The following RAP1GAP2 variants were observed in gnomAD, a reference collection of about 807,000 sequenced individuals.
The protein encoded by RAP1GAP2 is RAP1 GTPase activating protein 2.
Under a neutral mutation model 95.0 loss-of-function variants are expected in RAP1GAP2, and 27 were observed. The observed-to-expected ratio is 0.28, with a 90% CI of 0.21 to 0.39. The LOEUF (loss-of-function observed/expected upper bound fraction) is 0.39. RAP1GAP2 is among the 10% of genes least tolerant of loss of function. RAP1GAP2 has a pLI of 1.00. For missense variants in RAP1GAP2, 771 were observed against 970.0 expected (o/e 0.79, Z 2.72); for synonymous variants, 373 against 380.9 (o/e 0.98, Z 0.24).
At chr17:2,905,430 C>CT in intron 3 of RAP1GAP2, 62 bp downstream of exon 3, 1 of 1,541,226 alleles carries the variant, frequency 6.5e-7, no homozygotes, top group East Asian at 2.3e-5. Context: ...TGAGGCCTTG[C>CT]TGTGGCTTTG....
intron 2 of RAP1GAP2, among the ~76,000 whole-genome samples, chr17:2,854,593 C>T (rs1334596364): frequency 6.6e-6 from 1 of 152,276 alleles, no homozygotes; most frequent in Non-Finnish European, 1.5e-5. Context: ...CCTCTCGCCC[C>T]ACCGCCATAG....
chr17:2,836,225 A>G (rs1029829665), intron 2 of RAP1GAP2, among the ~76,000 whole-genome samples: 1 of 151,852 alleles, frequency 6.6e-6, no homozygotes, highest in Non-Finnish European at 1.5e-5. Context: ...TACTATGTTC[A>G]CTAACTAGGT....
rs945983507 is a variant in RAP1GAP2, at chr17:2,834,528, A to G, written c.80+33978A>G. 7.6e-4 allele frequency among the ~76,000 whole-genome samples: 116 copies of G among 152,142 alleles called. 1 individual carries two copies. The highest frequency in any genetic ancestry group is 7.2e-4 in the Non-Finnish European group (49 of 68,012). ...GAAGGACCATCTTGGTCGAGGTGGT[A>G]TCTCACACCTGTAATCCCAGCACTT... On this transcript the variant is annotated intron_variant, in intron 2 of 24. Coordinates refer to ENST00000254695, the MANE Select transcript of RAP1GAP2 (RefSeq NM_015085.5).
At chr17:3,016,489 G>A (rs2046771458) in intron 17 of RAP1GAP2, among the ~76,000 whole-genome samples, 1 of 152,220 alleles carries the variant, frequency 6.6e-6, no homozygotes, top group Admixed American at 6.5e-5. Context: ...GCAGAAGCCT[G>A]GACAACTGAT....
intron 3 of RAP1GAP2, among the ~76,000 whole-genome samples, chr17:2,934,753 G>A (rs574678753): frequency 1.3e-5 from 2 of 152,264 alleles, no homozygotes; most frequent in Admixed American, 6.5e-5. Context: ...CTTTCTTAGC[G>A]GAGAACAAAA....
At chr17:2,835,719 AC>A (rs2071099853) in intron 2 of RAP1GAP2, among the ~76,000 whole-genome samples, 1 of 152,164 alleles carries the variant, frequency 6.6e-6, no homozygotes, top group African/African-American at 2.4e-5. Context: ...CCAGAGTGTG[AC>A]CCTGTCTATA....
chr17:2,840,815 T>A (rs2071343545), intron 2 of RAP1GAP2, among the ~76,000 whole-genome samples: 1 of 151,916 alleles, frequency 6.6e-6, no homozygotes, highest in Non-Finnish European at 1.5e-5. Context: ...CTGGCCAATA[T>A]GGTGACACCC....
intron 2 of RAP1GAP2, among the ~76,000 whole-genome samples, chr17:2,868,419 C>T (rs970809886): frequency 6.6e-6 from 1 of 152,136 alleles, no homozygotes; most frequent in Admixed American, 6.5e-5. Flanking sequence ...AAACTGCGGC[C>T]CTTGGCTTTC....
intron 3 of RAP1GAP2, among the ~76,000 whole-genome samples, chr17:2,918,915 A>C (rs920775980): frequency 1.3e-5 from 2 of 152,240 alleles, no homozygotes; most frequent in African/African-American, 4.8e-5. Flanking sequence ...TAAGTGCTAC[A>C]TAAATATTAG....
chr17:2,882,634 A>G (rs2073350470), intron 2 of RAP1GAP2, among the ~76,000 whole-genome samples: 1 of 152,186 alleles, frequency 6.6e-6, no homozygotes. Context: ...CACGTTGGCC[A>G]GGATGGTTGA....
chr17:2,931,928 C>G (rs1416733577), intron 3 of RAP1GAP2, among the ~76,000 whole-genome samples: 1 of 152,092 alleles, frequency 6.6e-6, no homozygotes, highest in African/African-American at 2.4e-5. Context: ...CACAAGCCCC[C>G]CAAAATTTCC....
chr17:2,853,899 G>C, intron 2 of RAP1GAP2: 1 of 978,324 alleles, frequency 1.0e-6, no homozygotes, highest in Non-Finnish European at 1.2e-6. Context: ...GGAGGCCGGG[G>C]GCCGGGGCGC....
rs115444435 is a variant in RAP1GAP2 at position 3,002,710 on chromosome 17, G to T, written c.1201-2659G>T. ...GACAGGGTTGGGTGTGTGCAGGAAG[G>T]GGTCCTCTTCTGTCCACGGAGGGGC... On this transcript the variant is annotated intron_variant, in intron 14 of 24. Transcript: ENST00000254695. 3.7e-3 allele frequency among the ~76,000 whole-genome samples: 565 copies of T among 152,318 alleles called. 7 individuals are homozygous for T. Among genetic ancestry groups the T allele is most frequent in the African/African-American group, 0.013 (533 of 41,576 alleles).
intron 2 of RAP1GAP2, among the ~76,000 whole-genome samples, chr17:2,832,146 A>T (rs1162968422): frequency 7.3e-6 from 1 of 136,942 alleles, no homozygotes; most frequent in African/African-American, 2.7e-5. Context: ...GGAGTTTGCA[A>T]TGAGCTGAGA....
At chr17:2,837,345 A>G (rs2071176239) in intron 2 of RAP1GAP2, among the ~76,000 whole-genome samples, 1 of 151,970 alleles carries the variant, frequency 6.6e-6, no homozygotes, top group African/African-American at 2.4e-5. Flanking sequence ...TAGGTTGAGA[A>G]AGGGGCAGCC....
In RAP1GAP2 at chr17:2,820,223, T is replaced by G. The variant is rs573369484; in HGVS notation, c.80+19673T>G. Among the ~76,000 whole-genome samples, 9 of 152,298 alleles carry G rather than the reference T, an allele frequency of 5.9e-5. No individual in the cohort carries two copies. In the East Asian group the frequency reaches 1.7e-3, roughly 29 times the overall value. On this transcript the variant is annotated intron_variant, in intron 2 of 24. Coordinates refer to ENST00000254695, the MANE Select transcript of RAP1GAP2 (RefSeq NM_015085.5). Reference sequence around the variant, plus strand: ...GCAAGCAATGCTGCAGGCAGTGGCTTTCCCCTTGCCTGGCCCTCTGTGCGT... The same window carrying G: ...GCAAGCAATGCTGCAGGCAGTGGCTGTCCCCTTGCCTGGCCCTCTGTGCGT...
intron 2 of RAP1GAP2, among the ~76,000 whole-genome samples, chr17:2,887,615 T>G (rs981530199): frequency 2.6e-5 from 4 of 152,058 alleles, no homozygotes; most frequent in Non-Finnish European, 5.9e-5. Context: ...CCTAAGGTGA[T>G]CTGCCTGCCT....
chr17:2,815,897 G>C (rs769904577), intron 2 of RAP1GAP2, among the ~76,000 whole-genome samples: 4 of 152,260 alleles, frequency 2.6e-5, no homozygotes, highest in Non-Finnish European at 4.4e-5. Context: ...TGTGTACCGG[G>C]ACCCAGGCCT....
chr17:2,888,640 C>T (rs1295170941), intron 2 of RAP1GAP2, among the ~76,000 whole-genome samples: 2 of 137,320 alleles, frequency 1.5e-5, no homozygotes, highest in African/African-American at 5.6e-5. Context: ...ATATATACCA[C>T]CTTTTCTTTT....
Sources: allele counts gnomAD v4.1 joint callset (sites outside exome capture counted in the v4.1 genomes callset), GRCh38; gene constraint gnomAD v4.1.1; transcripts MANE v1.5; gene names NCBI Gene and HGNC (gene_info 2026-07-23, HGNC 2026-07-21).